Variants in HERC1 observed in about 807,000 individuals in gnomAD.
HERC1 encodes the protein HECT and RLD domain containing E3 ubiquitin protein ligase family member 1, also known as probable E3 ubiquitin-protein ligase HERC1.
A neutral mutation model predicts 554.3 loss-of-function variants in HERC1; 160 were observed. That is an observed-to-expected ratio of 0.29 (90% CI 0.25 to 0.33). The LOEUF (loss-of-function observed/expected upper bound fraction) is 0.33, where lower values mean the gene tolerates loss of function less well. Among genes scored for constraint, HERC1 ranks in the 10% least tolerant of loss-of-function variants. The pLI, the probability that HERC1 is intolerant of heterozygous loss-of-function variation, is 1.00. For synonymous variants in HERC1, 2,175 were observed against 2,131.7 expected, an observed-to-expected ratio of 1.02 and a Z score of -0.56; for missense variants, 4,919 against 5,918.5, an observed-to-expected ratio of 0.83 and a Z score of 5.54.
chr15:63,687,202 CAG>C (rs2071812468), intron 33 of HERC1, among the ~76,000 whole-genome samples: 1 of 152,156 alleles, frequency 6.6e-6, no homozygotes, highest in South Asian at 2.1e-4. Context: ...AGGATGAAGG[CAG>C]AGAGACTGAC....
intron 22 of HERC1, among the ~76,000 whole-genome samples, chr15:63,716,063 GGTAC>G (rs1684790420): frequency 6.6e-6 from 1 of 152,120 alleles, no homozygotes; most frequent in African/African-American, 2.4e-5. Flanking sequence ...CAGTGAAGCA[GGTAC>G]TGACATTCCT....
chr15:63,628,406 G>A (rs912950246), intron 70 of HERC1, among the ~76,000 whole-genome samples: 1 of 152,076 alleles, frequency 6.6e-6, no homozygotes, highest in Non-Finnish European at 1.5e-5. Flanking sequence ...AAACTTAGTT[G>A]CTGCTAAAAT....
intron 1 of HERC1, among the ~76,000 whole-genome samples, chr15:63,816,281 T>C (rs796552232): frequency 1.1e-4 from 17 of 152,340 alleles, no homozygotes; most frequent in African/African-American, 3.1e-4. Flanking sequence ...AAAGTACACA[T>C]TGTTTCCCAA....
chr15:63,759,343 C>G (rs540213016), intron 3 of HERC1, among the ~76,000 whole-genome samples: 17 of 152,124 alleles, frequency 1.1e-4, no homozygotes, highest in Non-Finnish European at 2.5e-4. Flanking sequence ...GCTTATTTAC[C>G]ATTTCTGTAG....
intron 12 of HERC1, among the ~76,000 whole-genome samples, chr15:63,744,160 GTGTGTC>G (rs1322560477): frequency 6.1e-3 from 237 of 38,890 alleles, no homozygotes; most frequent in Non-Finnish European, 0.015. Flanking sequence ...GTGTGTGTGT[GTGTGTC>G]TCTCTCTCTC....
At chr15:63,740,170 A>G (rs2074737078) in intron 12 of HERC1, among the ~76,000 whole-genome samples, 1 of 152,168 alleles carries the variant, frequency 6.6e-6, no homozygotes. Flanking sequence ...TTAGCCTCCC[A>G]AAGTGTGCAG....
chr15:63,803,181 C>G (rs1473405197), intron 1 of HERC1, among the ~76,000 whole-genome samples: 1 of 151,820 alleles, frequency 6.6e-6, no homozygotes, highest in Non-Finnish European at 1.5e-5. Flanking sequence ...AGTGAGCAAC[C>G]CTGTCTCAAA....
chr15:63,813,456 T>C (rs551712041), intron 1 of HERC1, among the ~76,000 whole-genome samples: 98 of 152,080 alleles, frequency 6.4e-4, no homozygotes, highest in African/African-American at 2.2e-3. Context: ...TATCTTTTAA[T>C]CTAGGATAGT....
intron 73 of HERC1, 96 bp downstream of exon 73, chr15:63,623,629 A>T: frequency 8.3e-7 from 1 of 1,199,174 alleles, no homozygotes; most frequent in Non-Finnish European, 1.2e-6. Context: ...TCCTTGCTAC[A>T]TTTATAAAAA....
At chr15:63,676,366 A>T (rs925524494) in intron 37 of HERC1, among the ~76,000 whole-genome samples, 1 of 152,214 alleles carries the variant, frequency 6.6e-6, no homozygotes, top group African/African-American at 2.4e-5. Context: ...AATTGTGTGT[A>T]AAGTTTATGT....
chr15:63,773,291 A>C (rs1345566071), intron 2 of HERC1, among the ~76,000 whole-genome samples: 1 of 151,836 alleles, frequency 6.6e-6, no homozygotes, highest in Non-Finnish European at 1.5e-5. Flanking sequence ...TAAAAGTACA[A>C]AAATTAGCCG....
chr15:63,740,815 T>G (rs1008667189), intron 12 of HERC1, among the ~76,000 whole-genome samples: 1 of 152,188 alleles, frequency 6.6e-6, no homozygotes, highest in Non-Finnish European at 1.5e-5. Flanking sequence ...TTATATATTC[T>G]AGAAACTAGA....
At position 63,672,372 on chromosome 15, in the gene HERC1, C is replaced by T. The variant is rs550561737; in HGVS notation, c.8045+124G>A. On this transcript the variant is annotated intron_variant, in intron 39 of 77. Transcript: ENST00000443617. The stretch of plus-strand genomic sequence containing the variant: ...AGTAAAATGAGCTTGACTATATAAT[C>T]TCTTAGTTTCTTTCTAGCTCTAGAA... 722 of 654,058 alleles carry T rather than the reference C, an allele frequency of 1.1e-3. 1 individual carries two copies. Among genetic ancestry groups the T allele is most frequent in the Non-Finnish European group, 1.7e-3 (664 of 397,236 alleles). The allele number at this position is 654,058 out of a possible 1,614,324, so 40.5% of individuals were successfully genotyped here.
chr15:63,694,340 A>T lies in HERC1; in HGVS notation c.5452T>A (p.Leu1818Met). 6.2e-7 allele frequency: 1 copy of T among 1,613,804 alleles called. No individual in the cohort carries two copies. Among genetic ancestry groups the T allele is most frequent in the Non-Finnish European group, 8.5e-7 (1 of 1,179,818 alleles). The change falls in exon 29 of 78, where the codon TTG becomes ATG. Residue 1818 changes from leucine (L) to methionine (M), a missense_variant. Leu to Met is a conservative substitution (Grantham distance 15). Around this residue, in one of 11 missense-constraint regions of HERC1, gnomAD observed 1,121 missense variants for 1,244.0 expected, o/e 0.90. Coordinates refer to ENST00000443617, the MANE Select transcript of HERC1 (RefSeq NM_003922.4). This position sits in a 1 kb window ranked among gnomAD's most constrained non-coding sequence, Gnocchi z 4.3. ...GTAGTGATGGCTAGAATCTGGAGCA[A>T]CCTTGTACTGGCCACTTTCAAAGCT... ...STALKVASTR[L>M]LQILAITTGT...
rs751716194 is a variant in HERC1, at chr15:63,694,032, T to C, written c.5606A>G (p.Gln1869Arg). The change falls in exon 30 of 78, where the codon CAA becomes CGA. Residue 1869 changes from glutamine (Q) to arginine (R), a missense_variant. Physicochemically the swap from Gln to Arg is conservative, Grantham distance 43 (BLOSUM62 1). Transcript: ENST00000443617. This position sits in a 1 kb window ranked among gnomAD's most constrained non-coding sequence, Gnocchi z 4.3. ...TTTTTCTTCTTCTTCACCGTCTTCT[T>C]GCTCCCCTTCTCCGAAAGAGGCCAT... is the stretch of plus-strand genomic sequence containing the variant. Reference protein sequence around the residue: ...LHMASFGEGEQEDGEEEEKKV... With the variant: ...LHMASFGEGEREDGEEEEKKV... 1.9e-6 allele frequency: 3 copies of C among 1,594,526 alleles called. No homozygotes were observed. The Admixed American group carries it at 5.3e-5, about 28-fold the overall frequency.
At chr15:63,715,937 G>A (rs1180812189) in intron 22 of HERC1, among the ~76,000 whole-genome samples, 1 of 152,118 alleles carries the variant, frequency 6.6e-6, no homozygotes, top group Non-Finnish European at 1.5e-5. Context: ...ATAGAAAGGG[G>A]CTCTCTTCCT....
chr15:63,784,044 G>A (rs1028222608), intron 1 of HERC1, among the ~76,000 whole-genome samples: 1 of 145,050 alleles, frequency 6.9e-6, no homozygotes, highest in Non-Finnish European at 1.5e-5. Context: ...CCAGCCTGGT[G>A]ACACAGGAAG....
At chr15:63,716,949 C>T (rs1171599014) in intron 21 of HERC1, among the ~76,000 whole-genome samples, 1 of 152,074 alleles carries the variant, frequency 6.6e-6, no homozygotes, top group Non-Finnish European at 1.5e-5. Context: ...TGCCCCTGAA[C>T]AAACCAAAAA....
In HERC1 at chr15:63,755,315, C is replaced by A. The variant is rs1267561921; in HGVS notation, c.1544G>T (p.Cys515Phe). The change falls in exon 6 of 78, where the codon TGT (cysteine) becomes TTT (phenylalanine). Residue 515 changes from cysteine to phenylalanine, a missense_variant. This residue lies in a region of HERC1 where 744 missense variants were observed against 1,090.0 expected (regional missense o/e 0.68). Transcript: ENST00000443617. ...QGPLQGKVVV[C>F]VSAGYRHSAA... The stretch of plus-strand genomic sequence containing the variant: ...ACTATGTCTGTATCCAGCTGACACA[C>A]AAACAACTACCTGCATTGCACACAA... 6.2e-7 allele frequency: 1 copy of A among 1,612,946 alleles called. No individual in the cohort carries two copies. The highest frequency in any genetic ancestry group is 1.1e-5 in the South Asian group (1 of 91,062).
Sources: allele counts gnomAD v4.1 joint callset (sites outside exome capture counted in the v4.1 genomes callset), GRCh38; gene constraint gnomAD v4.1.1; regional missense constraint gnomAD v4.1.1; non-coding constraint Gnocchi (gnomAD v3.1); transcripts MANE v1.5; gene names NCBI Gene and HGNC (gene_info 2026-07-23, HGNC 2026-07-21).